The following FSTL4 variants were observed in gnomAD, a reference collection of about 807,000 sequenced individuals.
FSTL4 encodes follistatin-related protein 4.
Under a neutral mutation model 78.2 loss-of-function variants are expected in FSTL4, and 28 were observed. The observed-to-expected ratio is 0.36, with a 90% confidence interval of 0.27 to 0.49. The LOEUF (loss-of-function observed/expected upper bound fraction) is 0.49, where lower values mean the gene tolerates loss of function less well. FSTL4 is among the 20% of genes least tolerant of loss of function. FSTL4 has a pLI of 0.98. For synonymous variants in FSTL4, 422 were observed against 440.5 expected (o/e 0.96, Z 0.53); for missense variants, 922 against 1,084.9 (o/e 0.85, Z 2.11).
chr5:133,470,260 G>A (rs1561729764), intron 3 of FSTL4, among the ~76,000 whole-genome samples: 1 of 152,162 alleles, frequency 6.6e-6, no homozygotes, highest in Non-Finnish European at 1.5e-5. Context: ...AAAACAAACA[G>A]ATGAACAAAC....
chr5:133,448,331 G>A lies in FSTL4; in HGVS notation c.161-47345C>T, dbSNP rs113542501. Among the ~76,000 whole-genome samples the A allele has an allele frequency of 3.5e-3, 534 of 152,296 alleles. 3 individuals carry two copies. The highest frequency in any genetic ancestry group is 0.012 in the African/African-American group (511 of 41,566). ...CCTCAGTGGCTCAGGAGATCACCAG[G>A]CCCAGCACCCACACCGTCTGAAGGA... On this transcript the variant is annotated intron_variant, in intron 3 of 15. Transcript: ENST00000265342.
At chr5:133,399,000 A>T (rs1756149949) in intron 4 of FSTL4, among the ~76,000 whole-genome samples, 1 of 152,170 alleles carries the variant, frequency 6.6e-6, no homozygotes, top group Non-Finnish European at 1.5e-5. Context: ...CCCCCGCTCC[A>T]CGCCAGCTTG....
At chr5:133,566,760 G>A (rs1338249969) in intron 3 of FSTL4, among the ~76,000 whole-genome samples, 2 of 152,220 alleles carry the variant, frequency 1.3e-5, no homozygotes, top group East Asian at 3.8e-4. Flanking sequence ...AGCTGAAGCT[G>A]TAAGAAATCT....
rs1453848391 is a variant in FSTL4, at chr5:133,612,071, TC to T, written c.-11+253del. ...TAGACCCCGGCCACGAGCCTCGGCG[TC>T]CCAGCCTCTCCTCGAGTCCTGGCCT... On this transcript the variant is annotated intron_variant, in intron 1 of 15. Coordinates refer to ENST00000265342, the MANE Select transcript of FSTL4 (RefSeq NM_015082.2). The surrounding 1 kb of genome is among the most constrained non-coding windows in gnomAD (Gnocchi z 6.2). Among the ~76,000 whole-genome samples the T allele has an allele frequency of 6.6e-6, 1 of 151,944 alleles. No homozygotes were observed. The highest frequency in any genetic ancestry group is 2.4e-5 in the African/African-American group (1 of 41,386).
chr5:133,727,976 G>C, the FSTL4 span, among the ~76,000 whole-genome samples: 3 of 152,206 alleles, frequency 2.0e-5, no homozygotes, highest in Non-Finnish European at 4.4e-5. Context: ...CTTACAGACA[G>C]GTTTTGCTGG....
At chr5:133,800,743 C>T in the FSTL4 span, among the ~76,000 whole-genome samples, 1 of 90,020 alleles carries the variant, frequency 1.1e-5, no homozygotes, top group Non-Finnish European at 2.6e-5. Context: ...TGCTTCACCT[C>T]CCCAGACATT....
intron 1 of FSTL4, among the ~76,000 whole-genome samples, chr5:133,609,027 C>G (rs1339721257): frequency 6.6e-6 from 1 of 152,176 alleles, no homozygotes; most frequent in Non-Finnish European, 1.5e-5. Context: ...TTCTGGCCCT[C>G]AGAGTTTCGG....
intron 4 of FSTL4, among the ~76,000 whole-genome samples, chr5:133,382,112 A>G (rs1263739935): frequency 6.6e-6 from 1 of 151,874 alleles, no homozygotes; most frequent in East Asian, 1.9e-4. Context: ...CTGCCCAGAT[A>G]CCCCCTGAAG....
the FSTL4 span, among the ~76,000 whole-genome samples, chr5:133,670,240 G>A: frequency 6.6e-6 from 1 of 152,212 alleles, no homozygotes; most frequent in Admixed American, 6.5e-5. Flanking sequence ...AATTGAACTG[G>A]TAAAAGTACT....
At chr5:133,784,630 G>A in the FSTL4 span, among the ~76,000 whole-genome samples, 3 of 152,114 alleles carry the variant, frequency 2.0e-5, no homozygotes, top group East Asian at 3.9e-4. Context: ...GTGATATTAA[G>A]GAGTAAGTTG....
Position 133,386,688 on chromosome 5 carries a change from G to A in FSTL4, c.409+14050C>T, listed in dbSNP as rs778620554. On this transcript the variant is annotated intron_variant, in intron 4 of 15. Transcript: ENST00000265342. ...GAGATCTTCATGTCACTGAAATTTGGCAGGGGGCAGAGGTGGGGACACTGG... is the reference window on the plus strand; with the variant it reads ...GAGATCTTCATGTCACTGAAATTTGACAGGGGGCAGAGGTGGGGACACTGG... Among the ~76,000 whole-genome samples the A allele has an allele frequency of 4.9e-4, 74 of 152,260 alleles. 1 individual carries two copies. Among genetic ancestry groups the A allele is most frequent in the Non-Finnish European group, 2.5e-4 (17 of 68,028 alleles).
the FSTL4 span, among the ~76,000 whole-genome samples, chr5:133,774,030 A>G: frequency 1.3e-5 from 2 of 152,222 alleles, no homozygotes; most frequent in Admixed American, 1.3e-4. Flanking sequence ...TATAAGAGCA[A>G]TGGTGATTAT....
At chr5:133,672,593 G>A in the FSTL4 span, among the ~76,000 whole-genome samples, 1 of 152,366 alleles carries the variant, frequency 6.6e-6, no homozygotes, top group Non-Finnish European at 1.5e-5. Context: ...GAAGGAGAGA[G>A]AGAAAAGATT....
chr5:133,753,666 G>T, the FSTL4 span, among the ~76,000 whole-genome samples: 10,346 of 149,472 alleles, frequency 0.069, 391 homozygotes, highest in Non-Finnish European at 0.087. Flanking sequence ...CTGGGCCTTT[G>T]TGGGTCCACA....
the FSTL4 span, among the ~76,000 whole-genome samples, chr5:133,830,763 C>T: frequency 6.6e-6 from 1 of 152,218 alleles, no homozygotes; most frequent in Non-Finnish European, 1.5e-5. Flanking sequence ...ATTAGGTGAA[C>T]ACCCCAGACT....
chr5:133,270,892 G>A (rs752299311), intron 6 of FSTL4, among the ~76,000 whole-genome samples: 1 of 152,180 alleles, frequency 6.6e-6, no homozygotes, highest in African/African-American at 2.4e-5. Context: ...GAAAGGACGA[G>A]TTTAATAACT....
At chr5:133,696,024 A>G in the FSTL4 span, among the ~76,000 whole-genome samples, 1 of 152,234 alleles carries the variant, frequency 6.6e-6, no homozygotes, top group African/African-American at 2.4e-5. Flanking sequence ...AAACTCTGGG[A>G]AAGAGTCTGT....
chr5:133,583,270 CCTT>C (rs1183568779), intron 2 of FSTL4: 1 of 455,816 alleles, frequency 2.2e-6, no homozygotes, highest in Non-Finnish European at 4.4e-6. Flanking sequence ...CTTACCTCCT[CCTT>C]AAGATCAAGG....
intron 3 of FSTL4, among the ~76,000 whole-genome samples, chr5:133,471,094 C>T (rs1237392745): frequency 1.3e-5 from 2 of 152,208 alleles, no homozygotes; most frequent in Non-Finnish European, 2.9e-5. Flanking sequence ...AAGTCAGACA[C>T]ATCATTGCAA....
Sources: allele counts gnomAD v4.1 joint callset (sites outside exome capture counted in the v4.1 genomes callset), GRCh38; gene constraint gnomAD v4.1.1; non-coding constraint Gnocchi (gnomAD v3.1); transcripts MANE v1.5; gene names NCBI Gene and HGNC (gene_info 2026-07-23, HGNC 2026-07-21).